The following VEPH1 variants were observed in gnomAD, a reference collection of about 807,000 sequenced individuals.
The protein encoded by VEPH1 is ventricular zone-expressed PH domain-containing protein homolog 1.
Under a neutral mutation model 85.2 loss-of-function variants are expected in VEPH1, and 80 were observed. That is an observed-to-expected ratio of 0.94 (90% CI 0.78 to 1.13). The LOEUF is 1.13. VEPH1 is among the 50% of genes most tolerant of loss of function. The probability of loss-of-function intolerance (pLI) is 0.00; values close to 1 mark genes in which losing one functional copy is unlikely to be tolerated. For missense variants in VEPH1, 955 were observed against 980.5 expected, an observed-to-expected ratio of 0.97 and a Z score of 0.35; for synonymous variants, 297 against 348.0, an observed-to-expected ratio of 0.85 and a Z score of 1.63.
chr3:157,280,988 C>T (rs116784564), intron 12 of VEPH1, among the ~76,000 whole-genome samples: 2 of 151,840 alleles, frequency 1.3e-5, no homozygotes, highest in Non-Finnish European at 2.9e-5. Context: ...GGCCACATGC[C>T]AAGTGCAATA....
intron 2 of VEPH1, among the ~76,000 whole-genome samples, chr3:157,473,067 CTTTTTTTTT>C (rs200991031): frequency 2.3e-4 from 19 of 82,686 alleles, no homozygotes; most frequent in East Asian, 7.8e-4. Flanking sequence ...TTAAATGAAC[CTTTTTTTTT>C]TTTTTTTTTT....
chr3:157,379,858 C>T (rs542536842), intron 7 of VEPH1, among the ~76,000 whole-genome samples: 1 of 152,252 alleles, frequency 6.6e-6, no homozygotes, highest in East Asian at 1.9e-4. Flanking sequence ...AGATATTTAA[C>T]CAGTATCTGA....
chr3:157,334,425 C>T (rs1161202630), intron 9 of VEPH1, among the ~76,000 whole-genome samples: 14 of 152,166 alleles, frequency 9.2e-5, no homozygotes, highest in African/African-American at 3.4e-4. Context: ...TAATTGTACT[C>T]TTAGAGTACA....
chr3:157,270,395 G>A (rs925083346), intron 12 of VEPH1, among the ~76,000 whole-genome samples: 3 of 152,030 alleles, frequency 2.0e-5, no homozygotes, highest in African/African-American at 7.2e-5. Flanking sequence ...GGCTATAAAA[G>A]CTATGGGTTA....
At chr3:157,309,720 G>A (rs1442544240) in intron 11 of VEPH1, among the ~76,000 whole-genome samples, 1 of 151,876 alleles carries the variant, frequency 6.6e-6, no homozygotes, top group African/African-American at 2.4e-5. Flanking sequence ...TGATGCCTGT[G>A]TGAGATTGAT....
intron 4 of VEPH1, chr3:157,459,599 A>G (rs1735649932): frequency 1.7e-6 from 2 of 1,199,684 alleles, no homozygotes; most frequent in East Asian, 4.1e-5. Context: ...AACCAAAGAA[A>G]ATAAAAGAAG....
intron 9 of VEPH1, among the ~76,000 whole-genome samples, chr3:157,361,931 A>G (rs187601394): frequency 6.6e-6 from 1 of 152,368 alleles, no homozygotes; most frequent in East Asian, 1.9e-4. Context: ...GATTGATATT[A>G]CTAATTATTC....
intron 1 of VEPH1, 26 bp from the exon 2 acceptor site, chr3:157,495,532 G>T (rs1560112701): frequency 5.0e-6 from 7 of 1,392,886 alleles, no homozygotes. Context: ...ATGACACAAT[G>T]TAGCCACTGG....
intron 9 of VEPH1, among the ~76,000 whole-genome samples, chr3:157,344,605 G>T (rs1371998147): frequency 6.6e-6 from 1 of 152,120 alleles, no homozygotes; most frequent in Non-Finnish European, 1.5e-5. Context: ...ACTGCCCAAG[G>T]TAATTTATAG....
At chr3:157,373,887 C>A (rs1030496611) in intron 7 of VEPH1, among the ~76,000 whole-genome samples, 30 of 152,270 alleles carry the variant, frequency 2.0e-4, no homozygotes, top group African/African-American at 7.2e-4. Context: ...CGAGTCTCTA[C>A]CCTACTGTGT....
At chr3:157,457,562 C>T (rs142287773) in intron 4 of VEPH1, among the ~76,000 whole-genome samples, 36 of 152,200 alleles carry the variant, frequency 2.4e-4, no homozygotes, top group Non-Finnish European at 4.1e-4. Context: ...TTCTTCAATA[C>T]CTAGATTATT....
chr3:157,467,113 GTGTGTGTGTGTA>G (rs1223952172), intron 3 of VEPH1, among the ~76,000 whole-genome samples: 5 of 117,438 alleles, frequency 4.3e-5, no homozygotes, highest in Admixed American at 9.1e-5. Flanking sequence ...AAAGAAAAGT[GTGTGTGTGTGTA>G]TGTGTGTGTG....
intron 9 of VEPH1, among the ~76,000 whole-genome samples, chr3:157,333,841 C>T (rs1489550134): frequency 1.3e-5 from 2 of 152,110 alleles, no homozygotes; most frequent in African/African-American, 2.4e-5. Flanking sequence ...AAAATGGGTC[C>T]GTTTACATTT....
At chr3:157,427,829 G>C (rs943001927) in intron 5 of VEPH1, among the ~76,000 whole-genome samples, 16 of 152,144 alleles carry the variant, frequency 1.1e-4, no homozygotes, top group Non-Finnish European at 2.9e-5. Context: ...ATTATTTCTG[G>C]GTATGTCTGT....
intron 11 of VEPH1, among the ~76,000 whole-genome samples, chr3:157,295,702 C>T (rs1310163625): frequency 6.6e-5 from 10 of 152,178 alleles, no homozygotes; most frequent in Admixed American, 6.5e-4. Flanking sequence ...TGCCTGTAAT[C>T]CCAGCATGTT....
chr3:157,303,506 G>A (rs573073359), intron 11 of VEPH1, among the ~76,000 whole-genome samples: 1 of 152,182 alleles, frequency 6.6e-6, no homozygotes, highest in South Asian at 2.1e-4. Flanking sequence ...TATTTCTCAT[G>A]CCATTCTTTC....
intron 9 of VEPH1, among the ~76,000 whole-genome samples, chr3:157,345,536 G>C (rs1182379751): frequency 6.6e-6 from 1 of 152,214 alleles, no homozygotes; most frequent in Non-Finnish European, 1.5e-5. Context: ...AACAACACAT[G>C]CTGGAGAGGA....
chr3:157,286,324 C>A, intron 12 of VEPH1: 1 of 497,682 alleles, frequency 2.0e-6, no homozygotes, highest in Non-Finnish European at 3.7e-6. Flanking sequence ...ATACTGCTTC[C>A]TTGATAACCA....
chr3:157,304,163 A>G (rs1207313029), intron 11 of VEPH1, among the ~76,000 whole-genome samples: 2 of 151,840 alleles, frequency 1.3e-5, no homozygotes, highest in East Asian at 3.9e-4. Context: ...TGGGAGCATC[A>G]GAAAGTCTCC....
Sources: allele counts gnomAD v4.1 joint callset (sites outside exome capture counted in the v4.1 genomes callset), GRCh38; gene constraint gnomAD v4.1.1; transcripts MANE v1.5; gene names NCBI Gene and HGNC (gene_info 2026-07-23, HGNC 2026-07-21).